CNTNAP5: variants seen among roughly 807,000 people sequenced by gnomAD.
CNTNAP5 encodes contactin associated protein family member 5, also known as contactin-associated protein-like 5.
Under a neutral mutation model 150.2 loss-of-function variants are expected in CNTNAP5, and 72 were observed. The observed-to-expected ratio is 0.48, with a 90% CI of 0.40 to 0.58. CNTNAP5 has a LOEUF of 0.58. Among genes scored for constraint, CNTNAP5 ranks in the 20% least tolerant of loss-of-function variants. CNTNAP5 has a pLI of 0.00. For missense variants in CNTNAP5, 1,636 were observed against 1,626.2 expected (o/e 1.01, Z -0.10); for synonymous variants, 672 against 619.8 (o/e 1.08, Z -1.25).
chr2:124,770,677 T>C (rs1440298996), intron 16 of CNTNAP5, among the ~76,000 whole-genome samples: 1 of 152,166 alleles, frequency 6.6e-6, no homozygotes, highest in African/African-American at 2.4e-5. Flanking sequence ...TCTTATTTAG[T>C]CTAACTGCTC....
chr2:124,442,192 T>C (rs1017906288), intron 5 of CNTNAP5, among the ~76,000 whole-genome samples: 1 of 151,712 alleles, frequency 6.6e-6, no homozygotes, highest in Non-Finnish European at 1.5e-5. Context: ...TTGAGGAGGG[T>C]AAAGGTAAAG....
intron 22 of CNTNAP5, among the ~76,000 whole-genome samples, chr2:124,904,141 G>C (rs1039128680): frequency 3.4e-5 from 5 of 148,784 alleles, no homozygotes; most frequent in African/African-American, 1.2e-4. Flanking sequence ...TCCATTTCCT[G>C]CACACACCAG....
rs192648642 is a variant in CNTNAP5 at position 124,708,423 on chromosome 2, G to A, written c.2078-38806G>A. Among the ~76,000 whole-genome samples, 423 of 152,288 alleles carry A rather than the reference G, an allele frequency of 2.8e-3. 1 individual carries two copies. Among genetic ancestry groups the A allele is most frequent in the African/African-American group, 9.0e-3 (376 of 41,570 alleles). ...AGCAGAGAGGAATCCAGAAGGAAAT[G>A]TCATGATCTCGCTGTCATCTCCATT... is the stretch of plus-strand genomic sequence containing the variant. On this transcript the variant is annotated intron_variant, in intron 13 of 23. Coordinates refer to ENST00000682447, the MANE Select transcript of CNTNAP5 (RefSeq NM_001367498.1).
intron 21 of CNTNAP5, among the ~76,000 whole-genome samples, chr2:124,891,042 C>T (rs1678184148): frequency 6.6e-6 from 1 of 152,110 alleles, no homozygotes; most frequent in African/African-American, 2.4e-5. Context: ...TAAACCACCT[C>T]ATAATTTAGT....
intron 2 of CNTNAP5, among the ~76,000 whole-genome samples, chr2:124,237,856 GCAA>G (rs986553241): frequency 6.6e-6 from 1 of 151,960 alleles, no homozygotes; most frequent in East Asian, 1.9e-4. Context: ...AACAACAACA[GCAA>G]CAACAACAAC....
chr2:124,674,022 C>T (rs1004695604), intron 13 of CNTNAP5, among the ~76,000 whole-genome samples: 6 of 152,072 alleles, frequency 3.9e-5, no homozygotes, highest in Non-Finnish European at 8.8e-5. Flanking sequence ...TTCCTGCTCC[C>T]ACCTTGCCGC....
chr2:124,895,274 C>T (rs567227268), intron 21 of CNTNAP5, among the ~76,000 whole-genome samples: 17 of 151,608 alleles, frequency 1.1e-4, no homozygotes, highest in African/African-American at 2.0e-4. Context: ...TATGCAATGT[C>T]GACCCATTTG....
intron 13 of CNTNAP5, among the ~76,000 whole-genome samples, chr2:124,680,341 G>A (rs997570666): frequency 6.6e-6 from 1 of 151,966 alleles, no homozygotes; most frequent in African/African-American, 2.4e-5. Context: ...TGCATGTACT[G>A]CCCCTCTACT....
chr2:124,898,970 T>C (rs1475009015), intron 21 of CNTNAP5, among the ~76,000 whole-genome samples: 2 of 151,478 alleles, frequency 1.3e-5, no homozygotes, highest in African/African-American at 4.9e-5. Context: ...GGACCTATTG[T>C]GCATCATGGT....
intron 13 of CNTNAP5, among the ~76,000 whole-genome samples, chr2:124,676,149 G>T (rs954754472): frequency 1.3e-5 from 2 of 152,106 alleles, no homozygotes; most frequent in African/African-American, 2.4e-5. Flanking sequence ...TTTCTTAAAT[G>T]CCCTGAACCA....
chr2:124,855,167 CTTTTTTTTTTTTTTT>C (rs70999224), intron 19 of CNTNAP5, among the ~76,000 whole-genome samples: 55 of 71,486 alleles, frequency 7.7e-4, no homozygotes, highest in African/African-American at 2.2e-3. Flanking sequence ...TGGGCTTTTG[CTTTTTTTTTTTTTTT>C]TTTTTTTTTT....
chr2:124,754,986 C>A (rs988554994), intron 14 of CNTNAP5, among the ~76,000 whole-genome samples: 2 of 151,958 alleles, frequency 1.3e-5, no homozygotes, highest in Non-Finnish European at 2.9e-5. Flanking sequence ...GTTGAAAATT[C>A]AAAACCAAAA....
chr2:124,875,698 G>GT (rs5834090), intron 21 of CNTNAP5, among the ~76,000 whole-genome samples: 5,010 of 126,718 alleles, frequency 0.04, 127 homozygotes, highest in Non-Finnish European at 0.048. Flanking sequence ...AACCATGAGG[G>GT]TTTTTTTTTT....
At chr2:124,505,020 T>G (rs1173917332) in intron 8 of CNTNAP5, among the ~76,000 whole-genome samples, 3 of 152,100 alleles carry the variant, frequency 2.0e-5, no homozygotes, top group Admixed American at 2.0e-4. Flanking sequence ...TTTTTTTTTC[T>G]TAGTAGGAAG....
intron 3 of CNTNAP5, among the ~76,000 whole-genome samples, chr2:124,373,667 A>C (rs2104729682): frequency 6.6e-6 from 1 of 152,250 alleles, no homozygotes; most frequent in African/African-American, 2.4e-5. Flanking sequence ...AAAATAAAAC[A>C]AAAACCCACT....
intron 7 of CNTNAP5, among the ~76,000 whole-genome samples, chr2:124,485,444 TC>T (rs1558922709): frequency 6.6e-6 from 1 of 151,284 alleles, no homozygotes; most frequent in African/African-American, 2.4e-5. Context: ...AAACCCCGTA[TC>T]TACTAAAAAT....
chr2:124,088,008 T>C (rs1036215366), intron 1 of CNTNAP5, among the ~76,000 whole-genome samples: 2 of 152,136 alleles, frequency 1.3e-5, no homozygotes, highest in Non-Finnish European at 2.9e-5. Flanking sequence ...ATGTGGGAAG[T>C]TTTCAGCCAT....
At chr2:124,221,034 A>C (rs1425122154) in intron 1 of CNTNAP5, among the ~76,000 whole-genome samples, 1 of 152,146 alleles carries the variant, frequency 6.6e-6, no homozygotes, top group Non-Finnish European at 1.5e-5. Flanking sequence ...TTTGGGCCTC[A>C]TCAAAGAATC....
intron 1 of CNTNAP5, among the ~76,000 whole-genome samples, chr2:124,063,826 A>G (rs554385673): frequency 1.6e-4 from 24 of 152,256 alleles, no homozygotes; most frequent in Middle Eastern, 3.4e-3. Flanking sequence ...AGGACATTCC[A>G]CATTAGATGA....
Sources: allele counts gnomAD v4.1 joint callset (sites outside exome capture counted in the v4.1 genomes callset), GRCh38; gene constraint gnomAD v4.1.1; transcripts MANE v1.5; gene names NCBI Gene and HGNC (gene_info 2026-07-23, HGNC 2026-07-21).